Variants in SDK2 observed in about 807,000 individuals in gnomAD.
SDK2 encodes protein sidekick-2.
SDK2 carries 105 observed loss-of-function variants against 253.9 expected under a neutral mutation model. The observed-to-expected ratio is 0.41, with a 90% CI of 0.35 to 0.49. The LOEUF is 0.49. SDK2 is among the 20% of genes least tolerant of loss of function. The probability of loss-of-function intolerance (pLI) is 0.06; values close to 1 mark genes in which losing one functional copy is unlikely to be tolerated. For missense variants in SDK2, 2,608 were observed against 3,003.0 expected, an observed-to-expected ratio of 0.87 and a Z score of 3.07; for synonymous variants, 1,249 against 1,234.9, an observed-to-expected ratio of 1.01 and a Z score of -0.24.
chr17:73,537,716 G>T (rs1451066038), intron 1 of SDK2, among the ~76,000 whole-genome samples: 1 of 152,104 alleles, frequency 6.6e-6, no homozygotes, highest in African/African-American at 2.4e-5. Flanking sequence ...TGTAAGCAGG[G>T]GGAAGGAAGG....
chr17:73,510,530 C>T (rs955005645), intron 1 of SDK2, among the ~76,000 whole-genome samples: 1 of 152,146 alleles, frequency 6.6e-6, no homozygotes, highest in Non-Finnish European at 1.5e-5. Context: ...GACAGGGTCT[C>T]GGTCGGTTGC....
chr17:73,588,086 A>G (rs915564404), intron 1 of SDK2, among the ~76,000 whole-genome samples: 3 of 152,026 alleles, frequency 2.0e-5, no homozygotes, highest in Non-Finnish European at 4.4e-5. Flanking sequence ...AGAAATGCAA[A>G]TTCTGGCCTG....
In SDK2 at chr17:73,398,377, T is replaced by C. The variant is rs776197831; in HGVS notation, c.3146A>G (p.Asn1049Ser). 2 of 1,613,770 alleles carry C rather than the reference T, an allele frequency of 1.2e-6. No homozygotes were observed. The highest frequency in any genetic ancestry group is 1.7e-6 in the Non-Finnish European group (2 of 1,179,870). Residue 1049 changes from asparagine (N) to serine (S), a missense_variant, in exon 23 of 45, where the codon AAT (asparagine) becomes AGT (serine). Physicochemically the swap from Asn to Ser is conservative, Grantham distance 46 (BLOSUM62 1). Coordinates refer to ENST00000392650, the MANE Select transcript of SDK2 (RefSeq NM_001144952.2). ...CTCCATGGAGCGGGCATCGGGCTCA[T>C]TGGAGAGCTGGTGGATCAGCAACCA... ...EEWLLIHQLS[N>S]EPDARSMEVP...
At chr17:73,444,839 G>A (rs1187943975) in intron 5 of SDK2, among the ~76,000 whole-genome samples, 4 of 152,182 alleles carry the variant, frequency 2.6e-5, no homozygotes, top group Non-Finnish European at 5.9e-5. Context: ...TGGGATGCCT[G>A]TTCTCCAGCT....
chr17:73,627,400 T>C (rs1288738485), intron 1 of SDK2, among the ~76,000 whole-genome samples: 1 of 152,236 alleles, frequency 6.6e-6, no homozygotes, highest in Non-Finnish European at 1.5e-5. Flanking sequence ...ACTGTATTCT[T>C]AAGACCGCAT....
At chr17:73,514,885 G>C (rs1322560000) in intron 1 of SDK2, among the ~76,000 whole-genome samples, 4 of 152,138 alleles carry the variant, frequency 2.6e-5, no homozygotes, top group South Asian at 2.1e-4. Flanking sequence ...TGGGTGCCAG[G>C]GGTGGAAACC....
Position 73,463,255 on chromosome 17 carries a change from G to A in SDK2, c.332-7202C>T, listed in dbSNP as rs1268789993. On this transcript the variant is annotated intron_variant, in intron 3 of 44. Coordinates refer to ENST00000392650, the MANE Select transcript of SDK2 (RefSeq NM_001144952.2). The stretch of plus-strand genomic sequence containing the variant: ...TTCCCCCAAGAGCAAAGAAGTGCAG[G>A]CCTGGGGCACAGTAGAAGGTGCTGA... Among the ~76,000 whole-genome samples, 3 of 152,182 alleles carry A rather than the reference G, an allele frequency of 2.0e-5. No homozygotes were observed. In the East Asian group the frequency reaches 5.8e-4, roughly 29 times the overall value.
At chr17:73,597,888 G>T (rs572701850) in intron 1 of SDK2, among the ~76,000 whole-genome samples, 1 of 151,950 alleles carries the variant, frequency 6.6e-6, no homozygotes, top group Non-Finnish European at 1.5e-5. Context: ...CTCGTGATCC[G>T]CCCACCTCAG....
chr17:73,374,504 G>A (rs1031729562), intron 36 of SDK2, among the ~76,000 whole-genome samples: 1 of 140,380 alleles, frequency 7.1e-6, no homozygotes. Flanking sequence ...GTCTCGCTCT[G>A]TTGCCCAGGC....
At chr17:73,524,353 G>A (rs1005191399) in intron 1 of SDK2, among the ~76,000 whole-genome samples, 6 of 152,086 alleles carry the variant, frequency 3.9e-5, no homozygotes, top group Non-Finnish European at 5.9e-5. Context: ...GCCCCCGCCC[G>A]CCCCGGCCAT....
At chr17:73,461,058 C>T (rs2063559463) in intron 3 of SDK2, among the ~76,000 whole-genome samples, 1 of 152,242 alleles carries the variant, frequency 6.6e-6, no homozygotes, top group African/African-American at 2.4e-5. Context: ...CCCATGCCAT[C>T]CCTCCCTGCC....
intron 1 of SDK2, among the ~76,000 whole-genome samples, chr17:73,624,088 C>T (rs2046170001): frequency 6.6e-6 from 1 of 152,206 alleles, no homozygotes; most frequent in Admixed American, 6.5e-5. Context: ...GGAGCAGGAG[C>T]AGGGAGGAGG....
chr17:73,394,937 C>A (rs1221253327), intron 25 of SDK2, among the ~76,000 whole-genome samples: 2 of 152,184 alleles, frequency 1.3e-5, no homozygotes, highest in African/African-American at 4.8e-5. Context: ...TACCCCCGCC[C>A]CCCTTGGGAA....
intron 1 of SDK2, among the ~76,000 whole-genome samples, chr17:73,594,324 A>C (rs2045724355): frequency 6.6e-6 from 1 of 152,096 alleles, no homozygotes; most frequent in Non-Finnish European, 1.5e-5. Flanking sequence ...CCTGAGTCTC[A>C]TGTCCTCAGA....
chr17:73,412,001 C>CGT (rs1568389097), intron 18 of SDK2, among the ~76,000 whole-genome samples: 8 of 100,556 alleles, frequency 8.0e-5, no homozygotes, highest in East Asian at 3.0e-4. Flanking sequence ...TATATACACA[C>CGT]ATATATATGT....
intron 15 of SDK2, 34 bp from the exon 16 acceptor site, chr17:73,419,340 G>C: frequency 1.9e-6 from 3 of 1,602,310 alleles, no homozygotes; most frequent in Non-Finnish European, 2.5e-6. Flanking sequence ...CTTAGTCTTG[G>C]GGTCAAACAC....
chr17:73,377,074 T>TGTGTCTCTCCTACTCCCCACCTGTGGG (rs2062788002), intron 36 of SDK2, among the ~76,000 whole-genome samples: 3 of 152,074 alleles, frequency 2.0e-5, no homozygotes, highest in East Asian at 3.9e-4. Context: ...ACTCCCCACT[T>TGTGTCTCTCCTACTCCCCACCTGTGGG]AAGCCATGGC....
At chr17:73,388,870 TCTCC>T (rs1397363582) in intron 29 of SDK2, among the ~76,000 whole-genome samples, 3 of 88,024 alleles carry the variant, frequency 3.4e-5, no homozygotes, top group Non-Finnish European at 6.9e-5. Context: ...CCCTCTCTTT[TCTCC>T]CTCCTTCTCT....
At chr17:73,588,947 T>C (rs1325185255) in intron 1 of SDK2, among the ~76,000 whole-genome samples, 1 of 152,248 alleles carries the variant, frequency 6.6e-6, no homozygotes, top group Non-Finnish European at 1.5e-5. Flanking sequence ...AAGCCACTAA[T>C]CCGTGATCTC....
Sources: gnomAD v4.1 joint callset for allele counts (sites outside exome capture counted in the v4.1 genomes callset) on GRCh38, gnomAD v4.1.1 for gene constraint, MANE v1.5 for transcripts, NCBI Gene and HGNC (gene_info 2026-07-23, HGNC 2026-07-21) for gene names.